Variants in MARCHF7 observed in about 807,000 individuals in gnomAD.
MARCHF7 encodes E3 ubiquitin-protein ligase MARCHF7.
MARCHF7 carries 20 observed loss-of-function variants against 76.5 expected under a neutral mutation model. That is an observed-to-expected ratio of 0.26 (90% CI 0.18 to 0.38). The LOEUF is 0.38. Among genes scored for constraint, MARCHF7 ranks in the 10% least tolerant of loss-of-function variants. The pLI is 1.00. For missense variants in MARCHF7, 797 were observed against 812.9 expected (o/e 0.98, Z 0.24); for synonymous variants, 295 against 293.0 (o/e 1.01, Z -0.07).
chr2:159,727,652 A>T (rs987838777), intron 3 of MARCHF7, among the ~76,000 whole-genome samples: 1 of 152,244 alleles, frequency 6.6e-6, no homozygotes, highest in Non-Finnish European at 1.5e-5. Flanking sequence ...ACAACTCCCA[A>T]GTGGAAACAA....
chr2:159,732,134 A>T (rs965921981), intron 4 of MARCHF7, among the ~76,000 whole-genome samples: 1 of 152,080 alleles, frequency 6.6e-6, no homozygotes, highest in Non-Finnish European at 1.5e-5. Context: ...AACAAAAAAA[A>T]ATTTAAATGT....
chr2:159,719,045 G>T (rs915527122), intron 3 of MARCHF7, among the ~76,000 whole-genome samples: 1 of 151,912 alleles, frequency 6.6e-6, no homozygotes, highest in Non-Finnish European at 1.5e-5. Flanking sequence ...CGCGATCTCC[G>T]CTCACCACAA....
chr2:159,762,846 T>G, intron 9 of MARCHF7, 34 bp from the exon 10 acceptor site: 1 of 1,332,560 alleles, frequency 7.5e-7, no homozygotes. Flanking sequence ...ATTCTCTGTA[T>G]TTTTCTTTTC....
rs535897281 is a variant in MARCHF7, at chr2:159,733,772, T to C, written c.153+4597T>C. Reference sequence around the variant, plus strand: ...TTTTTACTTCTGTTTTTAGTTAACATGGATATTTGTGTCAGTTCATCGATA... The same window carrying C: ...TTTTTACTTCTGTTTTTAGTTAACACGGATATTTGTGTCAGTTCATCGATA... On this transcript the variant is annotated intron_variant, in intron 4 of 11. Coordinates refer to ENST00000409175, the MANE Select transcript of MARCHF7 (RefSeq NM_001282805.2). The C allele has an allele frequency of 8.8e-5, 87 of 985,434 alleles. No individual in the cohort carries two copies. In the African/African-American group the frequency reaches 1.5e-3, roughly 17 times the overall value. The allele number at this position is 985,434 out of a possible 1,614,324, so 61.0% of individuals were successfully genotyped here.
chr2:159,731,490 C>A (rs922748127), intron 4 of MARCHF7, among the ~76,000 whole-genome samples: 2 of 152,154 alleles, frequency 1.3e-5, no homozygotes, highest in Non-Finnish European at 2.9e-5. Flanking sequence ...CATGGTGGCT[C>A]ACGCCTGTAG....
chr2:159,733,550 A>T (rs80181503), intron 4 of MARCHF7: 2,769 of 145,198 alleles, frequency 0.019, no homozygotes, highest in South Asian at 0.031. Context: ...AGGCAACATT[A>T]AAAAAAAAAA....
chr2:159,724,225 G>A (rs184417917), intron 3 of MARCHF7, among the ~76,000 whole-genome samples: 89 of 152,226 alleles, frequency 5.8e-4, no homozygotes, highest in African/African-American at 2.1e-3. Context: ...AGACTTTATT[G>A]TTGCTGTTAA....
At chr2:159,744,711 TTAA>T (rs1704631503) in intron 5 of MARCHF7, among the ~76,000 whole-genome samples, 1 of 152,250 alleles carries the variant, frequency 6.6e-6, no homozygotes, top group Non-Finnish European at 1.5e-5. Context: ...GAGCAGACTG[TTAA>T]TAACTTTGTA....
At chr2:159,726,423 C>T (rs1011185215) in intron 3 of MARCHF7, among the ~76,000 whole-genome samples, 4 of 152,076 alleles carry the variant, frequency 2.6e-5, no homozygotes, top group Non-Finnish European at 5.9e-5. Flanking sequence ...CTACCACGGC[C>T]GGCTAATTTT....
chr2:159,766,101 A>G (rs748795916), intron 11 of MARCHF7, among the ~76,000 whole-genome samples: 1 of 152,176 alleles, frequency 6.6e-6, no homozygotes, highest in Non-Finnish European at 1.5e-5. Context: ...CCATACTCAA[A>G]TAAGCATGAA....
At position 159,769,942 on chromosome 2, in the gene MARCHF7, C is replaced by G. The variant is rs560981435; in HGVS notation, c.*2600C>G. 6.6e-6 allele frequency: 1 copy of G among 152,092 alleles called. No individual in the cohort carries two copies. Among genetic ancestry groups the G allele is most frequent in the Non-Finnish European group, 1.5e-5 (1 of 68,026 alleles). 9.4% of individuals were successfully genotyped at this position (152,092 alleles called of 1,614,324 possible). On this transcript the variant is annotated 3_prime_UTR_variant, in exon 12 of 12. Coordinates refer to ENST00000409175, the MANE Select transcript of MARCHF7 (RefSeq NM_001282805.2). ...ACTTGACAATGTGGCTAATGTAATT[C>G]GAAAACTGGATTTTAAACTAAATTT...
At chr2:159,732,061 G>A (rs1329714498) in intron 4 of MARCHF7, among the ~76,000 whole-genome samples, 1 of 151,964 alleles carries the variant, frequency 6.6e-6, no homozygotes, top group African/African-American at 2.4e-5. Context: ...TCAAGATCAC[G>A]CCACTGCACT....
At chr2:159,724,231 G>C (rs761974174) in intron 3 of MARCHF7, among the ~76,000 whole-genome samples, 1 of 152,158 alleles carries the variant, frequency 6.6e-6, no homozygotes, top group Non-Finnish European at 1.5e-5. Flanking sequence ...TATTGTTGCT[G>C]TTAAGCTGTT....
intron 4 of MARCHF7, among the ~76,000 whole-genome samples, chr2:159,741,273 G>A (rs572532381): frequency 2.0e-5 from 3 of 152,120 alleles, no homozygotes; most frequent in South Asian, 2.1e-4. Context: ...GGAGACTGAG[G>A]TGGGAGGATC....
At chr2:159,755,307 G>A (rs970292605) in intron 8 of MARCHF7, among the ~76,000 whole-genome samples, 12 of 152,162 alleles carry the variant, frequency 7.9e-5, no homozygotes, top group Non-Finnish European at 1.2e-4. Context: ...TGGTGACTGA[G>A]GTGGGGAAGG....
Position 159,748,353 on chromosome 2 carries a change from T to C in MARCHF7, c.1063T>C (p.Trp355Arg). 6.2e-7 allele frequency: 1 copy of C among 1,613,744 alleles called. No individual in the cohort carries two copies. Among genetic ancestry groups the C allele is most frequent in the South Asian group, 1.1e-5 (1 of 91,052 alleles). The stretch of plus-strand genomic sequence containing the variant: ...GGGATTTCGATTTCTTAGGCGAAGA[T>C]GGGGTTTGTCATCTCTTAGCCACAA... ...SQGFRFLRRR[W>R]GLSSLSHNHS... The change falls in exon 7 of 12, where the codon TGG becomes CGG. Residue 355 changes from tryptophan to arginine, a missense_variant. Around this residue, in one of 3 missense-constraint regions of MARCHF7, gnomAD observed 643 missense variants for 631.5 expected, o/e 1.02. Transcript: ENST00000409175.
chr2:159,743,749 A>AAG (rs772115118), intron 5 of MARCHF7, among the ~76,000 whole-genome samples: 1 of 150,304 alleles, frequency 6.7e-6, no homozygotes, highest in Non-Finnish European at 1.5e-5. Context: ...AAAAAAAAAA[A>AAG]AGAGAGAATT....
At chr2:159,717,869 T>C (rs961165178) in intron 3 of MARCHF7, among the ~76,000 whole-genome samples, 1 of 152,234 alleles carries the variant, frequency 6.6e-6, no homozygotes, top group Non-Finnish European at 1.5e-5. Flanking sequence ...ATATACTTAA[T>C]ATAAGTAATC....
chr2:159,714,464 G>A (rs1559984766), intron 1 of MARCHF7, 93 bp from the exon 2 acceptor site: 1 of 152,074 alleles, frequency 6.6e-6, no homozygotes, highest in East Asian at 1.9e-4. Context: ...AATTTTACAG[G>A]ATTTATTTAT....
Sources: gnomAD v4.1 joint callset for allele counts (sites outside exome capture counted in the v4.1 genomes callset) on GRCh38, gnomAD v4.1.1 for gene constraint, gnomAD v4.1.1 regional missense constraint, MANE v1.5 for transcripts, NCBI Gene and HGNC (gene_info 2026-07-23, HGNC 2026-07-21) for gene names.